DHRS7B: variants seen among roughly 807,000 people sequenced by gnomAD.
DHRS7B encodes the protein dehydrogenase/reductase 7B.
Under a neutral mutation model 26.4 loss-of-function variants are expected in DHRS7B, and 24 were observed. The observed-to-expected ratio is 0.91, with a 90% confidence interval of 0.66 to 1.28. The LOEUF is 1.28. Among genes scored for constraint, DHRS7B ranks in the 50% most tolerant of loss-of-function variants. The pLI is 0.00. For missense variants in DHRS7B, 368 were observed against 419.4 expected (o/e 0.88, Z 1.07); for synonymous variants, 142 against 166.4 (o/e 0.85, Z 1.13).
chr17:21,150,908 C>G (rs1415929648), intron 1 of DHRS7B, among the ~76,000 whole-genome samples: 2 of 152,088 alleles, frequency 1.3e-5, no homozygotes, highest in African/African-American at 4.8e-5. Context: ...CCCACTGATT[C>G]TAGATATTAG....
At chr17:21,171,840 T>G in intron 1 of DHRS7B, 178 bp from the exon 2 acceptor site, 1 of 775,600 alleles carries the variant, frequency 1.3e-6, no homozygotes, top group South Asian at 1.5e-5. Flanking sequence ...AGGAAGAAAG[T>G]TCTACAATGC....
At chr17:21,149,555 C>T (rs926293776) in intron 1 of DHRS7B, among the ~76,000 whole-genome samples, 1 of 151,948 alleles carries the variant, frequency 6.6e-6, no homozygotes, top group Non-Finnish European at 1.5e-5. Flanking sequence ...GGTATAGCAA[C>T]CTGTTAAGAG....
At chr17:21,132,182 C>T (rs1319851678) in intron 1 of DHRS7B, among the ~76,000 whole-genome samples, 3 of 151,892 alleles carry the variant, frequency 2.0e-5, no homozygotes, top group Non-Finnish European at 4.4e-5. Flanking sequence ...TGGACAGAAA[C>T]AGCAAAGTGA....
intron 1 of DHRS7B, among the ~76,000 whole-genome samples, chr17:21,141,962 C>G (rs991575583): frequency 6.6e-6 from 1 of 152,028 alleles, no homozygotes; most frequent in African/African-American, 2.4e-5. Flanking sequence ...AAATGTGAAC[C>G]CAGAAAATCT....
chr17:21,157,967 C>T lies in DHRS7B; in HGVS notation c.21-14051C>T, dbSNP rs141808930. 6.8e-3 allele frequency among the ~76,000 whole-genome samples: 1,035 copies of T among 151,886 alleles called. 15 individuals carry two copies. The highest frequency in any genetic ancestry group is 0.024 in the African/African-American group (990 of 41,418). ...CTGAAAAAAAAAAATAATAATAATCCATCACATCAACAAACTAAAGAGGAA... is the reference window on the plus strand; with the variant it reads ...CTGAAAAAAAAAAATAATAATAATCTATCACATCAACAAACTAAAGAGGAA... On this transcript the variant is annotated intron_variant, in intron 1 of 6. Coordinates refer to ENST00000395511, the MANE Select transcript of DHRS7B (RefSeq NM_015510.5).
chr17:21,142,407 A>G (rs114076447), intron 1 of DHRS7B, among the ~76,000 whole-genome samples: 2,977 of 152,226 alleles, frequency 0.02, 115 homozygotes, highest in African/African-American at 0.068. Context: ...GTTCCTAGGC[A>G]CCGGGCTACC....
intron 1 of DHRS7B, among the ~76,000 whole-genome samples, chr17:21,137,623 A>G (rs1394846084): frequency 6.6e-6 from 1 of 151,972 alleles, no homozygotes; most frequent in Non-Finnish European, 1.5e-5. Context: ...ACGCCAGGCT[A>G]GTTTTATATT....
intron 1 of DHRS7B, among the ~76,000 whole-genome samples, chr17:21,130,022 A>G (rs1973194783): frequency 6.6e-6 from 1 of 152,214 alleles, no homozygotes; most frequent in Non-Finnish European, 1.5e-5. Flanking sequence ...ATGATAAAAC[A>G]AGTAGTTGAG....
chr17:21,142,195 A>G (rs1029084336), intron 1 of DHRS7B, among the ~76,000 whole-genome samples: 1 of 152,174 alleles, frequency 6.6e-6, no homozygotes, highest in Non-Finnish European at 1.5e-5. Flanking sequence ...TGAGAGGGTC[A>G]TGATCGATTG....
intron 1 of DHRS7B, among the ~76,000 whole-genome samples, chr17:21,140,345 G>A (rs1370433461): frequency 6.6e-6 from 1 of 151,938 alleles, no homozygotes; most frequent in Non-Finnish European, 1.5e-5. Context: ...ACAACCCTGG[G>A]CAGCTGTCAG....
intron 1 of DHRS7B, among the ~76,000 whole-genome samples, chr17:21,156,016 A>AT (rs1251201811): frequency 3.3e-5 from 5 of 152,176 alleles, no homozygotes; most frequent in African/African-American, 1.2e-4. Context: ...AAGAAGAAAG[A>AT]TCTAAAATCA....
chr17:21,169,846 T>C (rs1974198421), intron 1 of DHRS7B, among the ~76,000 whole-genome samples: 1 of 151,940 alleles, frequency 6.6e-6, no homozygotes, highest in East Asian at 1.9e-4. Context: ...AGCCCTACTA[T>C]CCTTCCCTGA....
At chr17:21,175,643 T>G (rs911460512) in intron 2 of DHRS7B, among the ~76,000 whole-genome samples, 12 of 152,164 alleles carry the variant, frequency 7.9e-5, no homozygotes, top group Non-Finnish European at 2.9e-5. Context: ...AGTGCCTCTT[T>G]AAACCAGCAT....
At chr17:21,140,674 A>T (rs577942654) in intron 1 of DHRS7B, among the ~76,000 whole-genome samples, 1 of 152,300 alleles carries the variant, frequency 6.6e-6, no homozygotes, top group Admixed American at 6.5e-5. Flanking sequence ...GATTGAGAGC[A>T]GGCAGAAAAG....
intron 5 of DHRS7B, among the ~76,000 whole-genome samples, chr17:21,187,633 CAAA>C (rs370213730): frequency 6.3e-4 from 63 of 99,682 alleles, no homozygotes; most frequent in East Asian, 3.4e-3. Context: ...GACTCTGTCT[CAAA>C]AAAAAAAAAA....
At chr17:21,148,905 GTC>G (rs1973699883) in intron 1 of DHRS7B, among the ~76,000 whole-genome samples, 2 of 152,126 alleles carry the variant, frequency 1.3e-5, no homozygotes, top group Admixed American at 6.5e-5. Context: ...AGAAAGCTTA[GTC>G]TAAGAAATAA....
intron 5 of DHRS7B, among the ~76,000 whole-genome samples, chr17:21,187,539 C>A (rs908365626): frequency 6.7e-6 from 1 of 149,384 alleles, no homozygotes; most frequent in African/African-American, 2.5e-5. Context: ...GGGAGAAGAA[C>A]GGTGTGAACC....
At chr17:21,127,389 G>A (rs1046704231) in intron 1 of DHRS7B, 1 of 203,970 alleles carries the variant, frequency 4.9e-6, no homozygotes, top group Non-Finnish European at 9.9e-6. Flanking sequence ...GCAGGACCGA[G>A]GGTTGAGCGC....
chr17:21,175,928 A>C (rs1308395153), intron 2 of DHRS7B, among the ~76,000 whole-genome samples: 1 of 10,430 alleles, frequency 9.6e-5, no homozygotes, highest in Admixed American at 9.7e-4. Context: ...CCCTGTATCA[A>C]AAAAAAAAAA....
Sources: gnomAD v4.1 joint callset for allele counts (sites outside exome capture counted in the v4.1 genomes callset) on GRCh38, gnomAD v4.1.1 for gene constraint, MANE v1.5 for transcripts, NCBI Gene and HGNC (gene_info 2026-07-23, HGNC 2026-07-21) for gene names.